The following MED29 variants were observed in gnomAD, a reference collection of about 807,000 sequenced individuals.
MED29 encodes the protein mediator complex subunit 29, also known as mediator of RNA polymerase II transcription subunit 29.
MED29 carries 14 observed loss-of-function variants against 22.0 expected under a neutral mutation model. The observed-to-expected ratio is 0.64, with a 90% CI of 0.42 to 0.99. The LOEUF is 0.99. Ranked by LOEUF, MED29 falls within the 50% of genes least tolerant of loss-of-function variation. MED29 has a pLI of 0.00. For missense variants in MED29, 241 were observed against 253.7 expected (o/e 0.95, Z 0.34); for synonymous variants, 123 against 107.8 (o/e 1.14, Z -0.87).
At chr19:39,395,177 T>C (rs1402967703) in intron 3 of MED29, among the ~76,000 whole-genome samples, 4 of 151,872 alleles carry the variant, frequency 2.6e-5, no homozygotes, top group African/African-American at 9.7e-5. Flanking sequence ...AAGTGGGAGG[T>C]TGAGAAGCTT....
chr19:39,397,950 A>G lies in MED29; in HGVS notation c.*251A>G. On this transcript the variant is annotated 3_prime_UTR_variant, in exon 4 of 4. Transcript: ENST00000315588. Reference sequence around the variant, plus strand: ...TGTGTGTTGATGACTTCTCTGTTCCACAGGCCCTCCCCCATTCTTGCCTGG... The same window carrying G: ...TGTGTGTTGATGACTTCTCTGTTCCGCAGGCCCTCCCCCATTCTTGCCTGG... The G allele has an allele frequency of 1.7e-6, 1 of 601,124 alleles. No homozygotes were observed. The highest frequency in any genetic ancestry group is 2.9e-6 in the Non-Finnish European group (1 of 349,938). The allele number at this position is 601,124 out of a possible 1,614,324, so 37.2% of individuals were successfully genotyped here.
chr19:39,391,735 A>C, intron 1 of MED29, 97 bp downstream of exon 1: 1 of 1,420,498 alleles, frequency 7.0e-7, no homozygotes, highest in Non-Finnish European at 9.4e-7. Context: ...AAGCAGAAAG[A>C]GGAATAGAAC....
rs780420007 is a variant in MED29 at position 39,400,486 on chromosome 19, C to T, written c.*2787C>T. ...TATAATTAAATCATACTTAGCAAAT[C>T]TAACACATGAAATGTAACATCTGCA... On this transcript the variant is annotated 3_prime_UTR_variant, in exon 4 of 4. Transcript: ENST00000315588. 4 of 152,128 alleles carry T rather than the reference C, an allele frequency of 2.6e-5. No homozygotes were observed. The highest frequency in any genetic ancestry group is 5.9e-5 in the Non-Finnish European group (4 of 68,030). 9.4% of individuals were successfully genotyped at this position (152,128 alleles called of 1,614,324 possible). A position where few individuals can be genotyped will look rare whatever the true frequency, so the allele number is the denominator to read the frequency against.
chr19:39,397,577 C>G lies in MED29; in HGVS notation c.481C>G (p.Leu161Val). 1.2e-6 allele frequency: 2 copies of G among 1,613,838 alleles called. No individual in the cohort carries two copies. Among genetic ancestry groups the G allele is most frequent in the East Asian group, 2.2e-5 (1 of 44,888 alleles). Residue 161 changes from leucine to valine, a missense_variant, in exon 4 of 4, where the codon CTG becomes GTG. Leu to Val is a conservative substitution (Grantham distance 32). Coordinates refer to ENST00000315588, the MANE Select transcript of MED29 (RefSeq NM_017592.4). ...QPDSLPYPQY[L>V]AVIKAQISCA... is the part of the protein sequence containing the mutation. ...TGACAGCCTCCCCTACCCACAGTAC[C>G]TGGCGGTCATCAAAGCCCAGATTTC... is the stretch of plus-strand genomic sequence containing the variant.
Position 39,398,851 on chromosome 19 carries a change from C to T in MED29, c.*1152C>T, listed in dbSNP as rs2078445353. 1 of 152,196 alleles carries T rather than the reference C, an allele frequency of 6.6e-6. No homozygotes were observed. Among genetic ancestry groups the T allele is most frequent in the East Asian group, 1.9e-4 (1 of 5,198 alleles). 9.4% of individuals were successfully genotyped at this position (152,196 alleles called of 1,614,324 possible). A position where few individuals can be genotyped will look rare whatever the true frequency, so the allele number is the denominator to read the frequency against. On this transcript the variant is annotated 3_prime_UTR_variant, in exon 4 of 4. Coordinates refer to ENST00000315588, the MANE Select transcript of MED29 (RefSeq NM_017592.4). ...ACTCCATGGCCTCCTGTCCTGGACC[C>T]CACGTCTGCAAGGAAACCCTAGGAC...
chr19:39,394,440 A>G (rs2078417116), intron 3 of MED29, among the ~76,000 whole-genome samples: 2 of 151,188 alleles, frequency 1.3e-5, no homozygotes, highest in Admixed American at 1.3e-4. Flanking sequence ...TATTTTTAGT[A>G]GAGATGGGGT....
intron 3 of MED29, among the ~76,000 whole-genome samples, chr19:39,395,972 G>A (rs970253507): frequency 7.2e-5 from 11 of 152,234 alleles, no homozygotes; most frequent in African/African-American, 2.6e-4. Flanking sequence ...AGCAGTTTTG[G>A]GGAGTACAAG....
chr19:39,391,787 A>G (rs1285901445), intron 1 of MED29, 149 bp downstream of exon 1: 13 of 966,874 alleles, frequency 1.3e-5, no homozygotes, highest in Non-Finnish European at 1.3e-5. Flanking sequence ...TGTTCCCAGC[A>G]CTTTGGGAGG....
Position 39,397,771 on chromosome 19 carries a change from C to A in MED29, c.*72C>A. On this transcript the variant is annotated 3_prime_UTR_variant, in exon 4 of 4. Transcript: ENST00000315588. ...CAAAGGGAATGAAGAGCGTCCTGGG[C>A]CTAAACACAGCAGCCTCCTCTCTTC... 6.5e-7 allele frequency: 1 copy of A among 1,548,744 alleles called. No individual in the cohort carries two copies.
chr19:39,397,693 T>G lies in MED29; in HGVS notation c.597T>G (p.Thr199=), dbSNP rs1256171746. Residue 199 remains threonine (T), a synonymous_variant, in exon 4 of 4, where the codon ACT becomes ACG. Coordinates refer to ENST00000315588, the MANE Select transcript of MED29 (RefSeq NM_017592.4). Reference sequence around the variant, plus strand: ...CACCACCTGCTGGCCCTGGGGGCACTCTGTGAAGTGGGGGACAGGGAGTGG... The same window carrying G: ...CACCACCTGCTGGCCCTGGGGGCACGCTGTGAAGTGGGGGACAGGGAGTGG... The part of the protein sequence containing the change: ...TPAPPAGPGG[T]L 3 of 1,608,232 alleles carry G rather than the reference T, an allele frequency of 1.9e-6. No homozygotes were observed. The African/African-American group carries it at 4.0e-5, about 21-fold the overall frequency.
chr19:39,392,591 C>T, intron 2 of MED29, 69 bp downstream of exon 2: 1 of 1,391,494 alleles, frequency 7.2e-7, no homozygotes, highest in Admixed American at 1.7e-5. Flanking sequence ...CTTTCCTTCT[C>T]CTGCTCCCCG....
chr19:39,393,081 C>CTTTTTTTTTTTTTTTT (rs142198224), intron 2 of MED29, among the ~76,000 whole-genome samples: 79 of 34,722 alleles, frequency 2.3e-3, no homozygotes, highest in East Asian at 4.1e-3. Flanking sequence ...TCTTTCTTTT[C>CTTTTTTTTTTTTTTTT]TTTTTTTTTT....
chr19:39,393,601 G>C lies in MED29; in HGVS notation c.324G>C (p.Glu108Asp). Residue 108 changes from glutamate (E) to aspartate (D), a missense_variant, in exon 3 of 4, where the codon GAG (glutamate) becomes GAC (aspartate). By Grantham distance (45) the Glu-to-Asp change is conservative. Transcript: ENST00000315588. ...AGCGCTTTGACAAGTGCCTGGAAGA[G>C]TTCTATGCACTCTGTGACCAGCTGG... ...PIQRFDKCLE[E>D]FYALCDQLEL... The C allele has an allele frequency of 6.2e-7, 1 of 1,614,150 alleles. No individual in the cohort carries two copies. Among genetic ancestry groups the C allele is most frequent in the Non-Finnish European group, 8.5e-7 (1 of 1,180,008 alleles).
At position 39,397,671 on chromosome 19, in the gene MED29, C is replaced by T. The variant is rs1456351532; in HGVS notation, c.575C>T (p.Pro192Leu). ...AAGGTCACGGGCAAGACACCCGCAC[C>T]ACCTGCTGGCCCTGGGGGCACTCTG... is the stretch of plus-strand genomic sequence containing the variant. ...ANKVTGKTPA[P>L]PAGPGGTL The change falls in exon 4 of 4, where the codon CCA becomes CTA. Residue 192 changes from proline to leucine, a missense_variant. Physicochemically the swap from Pro to Leu is moderately conservative, Grantham distance 98 (BLOSUM62 -3). Transcript: ENST00000315588. 6.2e-7 allele frequency: 1 copy of T among 1,611,272 alleles called. No individual in the cohort carries two copies. Among genetic ancestry groups the T allele is most frequent in the East Asian group, 2.2e-5 (1 of 44,892 alleles).
Position 39,393,603 on chromosome 19 carries a change from T to C in MED29, c.326T>C (p.Phe109Ser). ...IQRFDKCLEE[F>S]YALCDQLELC... ...CGCTTTGACAAGTGCCTGGAAGAGT[T>C]CTATGCACTCTGTGACCAGCTGGAG... Residue 109 changes from phenylalanine (F) to serine (S), a missense_variant, in exon 3 of 4, where the codon TTC becomes TCC. Transcript: ENST00000315588. The C allele has an allele frequency of 6.2e-7, 1 of 1,614,124 alleles. No homozygotes were observed. Among genetic ancestry groups the C allele is most frequent in the Non-Finnish European group, 8.5e-7 (1 of 1,179,976 alleles).
intron 2 of MED29, 85 bp from the exon 3 acceptor site, chr19:39,393,468 C>A: frequency 8.0e-7 from 1 of 1,253,434 alleles, no homozygotes; most frequent in Non-Finnish European, 1.2e-6. Flanking sequence ...TACCTGGTTT[C>A]CTGATGGACA....
rs1422078003 is a variant in MED29, at chr19:39,393,643, A to C, written c.360+6A>C. ...ACCAGCTGGAGCTGTGCCTGGTAAG[A>C]AGCCTTCTGGACACGGGGTAACAAC... On this transcript the variant is annotated splice_donor_region_variant and intron_variant, in intron 3 of 3. Transcript: ENST00000315588. 6.2e-7 allele frequency: 1 copy of C among 1,613,396 alleles called. No individual in the cohort carries two copies. The highest frequency in any genetic ancestry group is 1.7e-5 in the Admixed American group (1 of 60,020).
rs535950557 is a variant in MED29 at position 39,398,040 on chromosome 19, C to T, written c.*341C>T. 2 of 520,130 alleles carry T rather than the reference C, an allele frequency of 3.8e-6. No homozygotes were observed. The highest frequency in any genetic ancestry group is 6.9e-6 in the Non-Finnish European group (2 of 291,688). The allele number at this position is 520,130 out of a possible 1,614,324, so 32.2% of individuals were successfully genotyped here. ...TGACTGTCTCCAGCTGGGAGGTGGT[C>T]TCTGTGTGCCACTCCTCTGTGTCTC... On this transcript the variant is annotated 3_prime_UTR_variant, in exon 4 of 4. Transcript: ENST00000315588.
chr19:39,398,100 T>G lies in MED29; in HGVS notation c.*401T>G. 1 of 387,580 alleles carries G rather than the reference T, an allele frequency of 2.6e-6. No individual in the cohort carries two copies. The allele number at this position is 387,580 out of a possible 1,614,324, so 24.0% of individuals were successfully genotyped here. A position where few individuals can be genotyped will look rare whatever the true frequency, so the allele number is the denominator to read the frequency against. ...TGTGTCTCTCTCATCCTGTCTCTTT[T>G]TCCCTTGTTTCTCTGTTCCTGTTAA... is the stretch of plus-strand genomic sequence containing the variant. On this transcript the variant is annotated 3_prime_UTR_variant, in exon 4 of 4. Coordinates refer to ENST00000315588, the MANE Select transcript of MED29 (RefSeq NM_017592.4).
Sources: gnomAD v4.1 joint callset for allele counts (sites outside exome capture counted in the v4.1 genomes callset) on GRCh38, gnomAD v4.1.1 for gene constraint, MANE v1.5 for transcripts, NCBI Gene and HGNC (gene_info 2026-07-23, HGNC 2026-07-21) for gene names.